Variants in OR8H2 observed in about 807,000 individuals in gnomAD.
OR8H2 encodes olfactory receptor family 8 subfamily H member 2.
For missense variants in OR8H2, 374 were observed against 371.1 expected (o/e 1.01, Z -0.06); for synonymous variants, 157 against 139.2 (o/e 1.13, Z -0.90).
In OR8H2 at chr11:56,106,917, C is replaced by T. The variant is rs1280268911; in HGVS notation, c.*936C>T. 1 of 151,832 alleles carries T rather than the reference C, an allele frequency of 6.6e-6. No individual in the cohort carries two copies. The highest frequency in any genetic ancestry group is 1.5e-5 in the Non-Finnish European group (1 of 67,804). The allele number at this position is 151,832 out of a possible 1,614,324, so 9.4% of individuals were successfully genotyped here. ...CTTTTCTTTACTTCTCTAATAAACC[C>T]ATTTTCAGTTTTAGAAAAACAAATA... On this transcript the variant is annotated 3_prime_UTR_variant, in exon 2 of 2. Coordinates refer to ENST00000313503, the MANE Select transcript of OR8H2 (RefSeq NM_001386064.1).
intron 1 of OR8H2, among the ~76,000 whole-genome samples, chr11:56,104,248 A>C (rs61887141): frequency 0.06 from 9,099 of 152,150 alleles, 373 homozygotes; most frequent in Non-Finnish European, 0.084. Context: ...TATTTTATAA[A>C]TTAATGCTTA....
chr11:56,104,914 C>G lies in OR8H2; in HGVS notation c.-129C>G. 1 of 793,010 alleles carries G rather than the reference C, an allele frequency of 1.3e-6. No individual in the cohort carries two copies. The highest frequency in any genetic ancestry group is 2.1e-6 in the Non-Finnish European group (1 of 485,830). 49.1% of individuals were successfully genotyped at this position (793,010 alleles called of 1,614,324 possible). A position where few individuals can be genotyped will look rare whatever the true frequency, so the allele number is the denominator to read the frequency against. ...AGGGCTGGAATGCAATGGTGCGATC[C>G]CGGCTCACTGCAACCTCCGCCTCCC... On this transcript the variant is annotated 5_prime_UTR_variant, in exon 2 of 2. Transcript: ENST00000313503.
chr11:56,104,868 T>C lies in OR8H2; in HGVS notation c.-171-4T>C. ...TTTTGTTTGTTTTTTGTTTTTTGAG[T>C]CAGAGTCTGGCACAGTCGCCAGGGC... On this transcript the variant is annotated splice_region_variant and splice_polypyrimidine_tract_variant and intron_variant, in intron 1 of 1. Transcript: ENST00000313503. 4.2e-6 allele frequency: 2 copies of C among 477,282 alleles called. No individual in the cohort carries two copies. The highest frequency in any genetic ancestry group is 7.3e-6 in the Non-Finnish European group (2 of 275,004). 29.6% of individuals were successfully genotyped at this position (477,282 alleles called of 1,614,324 possible). A position where few individuals can be genotyped will look rare whatever the true frequency, so the allele number is the denominator to read the frequency against.
rs760326744 is a variant in OR8H2, at chr11:56,105,469, G to T, written c.427G>T (p.Ala143Ser). 5.0e-6 allele frequency: 8 copies of T among 1,614,062 alleles called. No homozygotes were observed. The highest frequency in any genetic ancestry group is 2.2e-5 in the East Asian group (1 of 44,858). The change falls in exon 2 of 2, where the codon GCT becomes TCT. Residue 143 changes from alanine (A) to serine (S), a missense_variant. By Grantham distance (99) the Ala-to-Ser change is moderately conservative. Coordinates refer to ENST00000313503, the MANE Select transcript of OR8H2 (RefSeq NM_001386064.1). ...TVIMSKRLCL[A>S]LITGPYVIGF... ...TATTATGTCCAAAAGGCTCTGCCTC[G>T]CTCTCATCACTGGGCCTTATGTGAT...
At position 56,105,148 on chromosome 11, in the gene OR8H2, T is replaced by C. The variant is rs371340886; in HGVS notation, c.106T>C (p.Tyr36His). 1.9e-6 allele frequency: 3 copies of C among 1,614,084 alleles called. No individual in the cohort carries two copies. Among genetic ancestry groups the C allele is most frequent in the African/African-American group, 1.3e-5 (1 of 74,928 alleles). ...MALFMLFLLI[Y>H]LITMLGNVGM... ...TCTGTTTATGCTATTTCTCCTGATATACCTAATTACTATGCTGGGGAATGT... is the reference window on the plus strand; with the variant it reads ...TCTGTTTATGCTATTTCTCCTGATACACCTAATTACTATGCTGGGGAATGT... Residue 36 changes from tyrosine (Y) to histidine (H), a missense_variant, in exon 2 of 2, where the codon TAC (tyrosine) becomes CAC (histidine). Coordinates refer to ENST00000313503, the MANE Select transcript of OR8H2 (RefSeq NM_001386064.1).
At position 56,104,920 on chromosome 11, in the gene OR8H2, C is replaced by A. The variant is rs1401276136; in HGVS notation, c.-123C>A. ...GGAATGCAATGGTGCGATCCCGGCTCACTGCAACCTCCGCCTCCCGCGTTC... is the reference window on the plus strand; with the variant it reads ...GGAATGCAATGGTGCGATCCCGGCTAACTGCAACCTCCGCCTCCCGCGTTC... On this transcript the variant is annotated 5_prime_UTR_variant, in exon 2 of 2. An upstream open reading frame in the 5' UTR gains an earlier in-frame stop. Coordinates refer to ENST00000313503, the MANE Select transcript of OR8H2 (RefSeq NM_001386064.1). 3.6e-6 allele frequency: 3 copies of A among 830,334 alleles called. No individual in the cohort carries two copies. Among genetic ancestry groups the A allele is most frequent in the African/African-American group, 3.4e-5 (2 of 58,492 alleles). 51.4% of individuals were successfully genotyped at this position (830,334 alleles called of 1,614,324 possible).
chr11:56,106,559 G>A lies in OR8H2; in HGVS notation c.*578G>A, dbSNP rs1381585546. On this transcript the variant is annotated 3_prime_UTR_variant, in exon 2 of 2. Transcript: ENST00000313503. ...CTCCAAATCTGATCAGAGGGTAGTT[G>A]TAGAGTATTTAAAGCAATAATAATT... 6.6e-6 allele frequency: 1 copy of A among 152,074 alleles called. No individual in the cohort carries two copies. Among genetic ancestry groups the A allele is most frequent in the Admixed American group, 6.6e-5 (1 of 15,256 alleles). The allele number at this position is 152,074 out of a possible 1,614,324, so 9.4% of individuals were successfully genotyped here.
Position 56,105,978 on chromosome 11 carries a change from G to T in OR8H2, c.936G>T (p.Arg312Ser), listed in dbSNP as rs373631782. The change falls in exon 2 of 2, where the codon AGG becomes AGT. Residue 312 changes from arginine (R) to serine (S), a missense_variant. Arg to Ser is a moderately radical substitution (Grantham distance 110, BLOSUM62 -1). Transcript: ENST00000313503. ...TCATGCAGAGAAGACAGGACTCCAGGTAATTAATATAGCAGGAATGCTGAA... is the reference window on the plus strand; with the variant it reads ...TCATGCAGAGAAGACAGGACTCCAGTTAATTAATATAGCAGGAATGCTGAA... ...IRVMQRRQDS[R>S] The T allele has an allele frequency of 6.5e-7, 1 of 1,526,724 alleles. No individual in the cohort carries two copies. Among genetic ancestry groups the T allele is most frequent in the South Asian group, 1.2e-5 (1 of 80,720 alleles). 94.6% of individuals were successfully genotyped at this position (1,526,724 alleles called of 1,614,324 possible). A position where few individuals can be genotyped will look rare whatever the true frequency, so the allele number is the denominator to read the frequency against.
Position 56,105,314 on chromosome 11 carries a change from A to G in OR8H2, c.272A>G (p.Tyr91Cys), listed in dbSNP as rs369440693. ...KTLANLLTSN[Y>C]ISFTGCFAQM... is the part of the protein sequence containing the mutation. ...TTAGCGAACTTACTGACTTCCAACT[A>G]TATTTCCTTTACGGGCTGCTTTGCC... Residue 91 changes from tyrosine (Y) to cysteine (C), a missense_variant, in exon 2 of 2, where the codon TAT becomes TGT. By Grantham distance (194) the Tyr-to-Cys change is radical (BLOSUM62 -2). Coordinates refer to ENST00000313503, the MANE Select transcript of OR8H2 (RefSeq NM_001386064.1). 8 of 1,613,968 alleles carry G rather than the reference A, an allele frequency of 5.0e-6. No individual in the cohort carries two copies. The highest frequency in any genetic ancestry group is 1.7e-5 in the Admixed American group (1 of 59,992).
rs1590740893 is a variant in OR8H2, at chr11:56,107,093, T to C, written c.*1112T>C. 1.3e-5 allele frequency: 2 copies of C among 152,082 alleles called. No homozygotes were observed. The allele number at this position is 152,082 out of a possible 1,614,324, so 9.4% of individuals were successfully genotyped here. The stretch of plus-strand genomic sequence containing the variant: ...TTAATGTTGTCATCGACAACTCTAA[T>C]ATAAATTTTTTCTTGGTACATGGAC... On this transcript the variant is annotated 3_prime_UTR_variant, in exon 2 of 2. Transcript: ENST00000313503.
At position 56,104,845 on chromosome 11, in the gene OR8H2, T is replaced by G. The variant is rs538599746; in HGVS notation, c.-171-27T>G. The G allele has an allele frequency of 1.6e-3, 681 of 428,770 alleles. 7 individuals are homozygous for G. The highest frequency in any genetic ancestry group is 2.3e-3 in the Non-Finnish European group (569 of 244,808). 26.6% of individuals were successfully genotyped at this position (428,770 alleles called of 1,614,324 possible). ...ATTCATATAAACAGAAAGTTTTTTT[T>G]TGTTTGTTTTTTGTTTTTTGAGTCA... is the stretch of plus-strand genomic sequence containing the variant. On this transcript the variant is annotated intron_variant, in intron 1 of 1. Coordinates refer to ENST00000313503, the MANE Select transcript of OR8H2 (RefSeq NM_001386064.1).
At chr11:56,104,424 A>T (rs1414472548) in intron 1 of OR8H2, among the ~76,000 whole-genome samples, 2 of 152,088 alleles carry the variant, frequency 1.3e-5, no homozygotes, top group African/African-American at 4.8e-5. Context: ...AGTTTTCTGA[A>T]ATTATTTATA....
In OR8H2 at chr11:56,106,072, T is replaced by G; in HGVS notation, c.*91T>G. On this transcript the variant is annotated 3_prime_UTR_variant, in exon 2 of 2. Transcript: ENST00000313503. ...TAGTCTCTCTATAAAAACAATTGAA[T>G]CTTTTAATTTGTTTGCATTTCTGTT... 1 of 858,760 alleles carries G rather than the reference T, an allele frequency of 1.2e-6. No homozygotes were observed. Among genetic ancestry groups the G allele is most frequent in the Non-Finnish European group, 1.8e-6 (1 of 551,190 alleles). 53.2% of individuals were successfully genotyped at this position (858,760 alleles called of 1,614,324 possible).
chr11:56,105,234 T>A lies in OR8H2; in HGVS notation c.192T>A (p.Leu64=), dbSNP rs553797333. ...TTCACACTCCCATGTATTTTTTCCT[T>A]ACTCACCTGTCATTTATTGACCTCA... is the stretch of plus-strand genomic sequence containing the variant. ...LQLHTPMYFF[L]THLSFIDLSY... The change falls in exon 2 of 2, where the codon CTT becomes CTA. Residue 64 remains leucine, a synonymous_variant. Transcript: ENST00000313503. 1 of 1,614,202 alleles carries A rather than the reference T, an allele frequency of 6.2e-7. No individual in the cohort carries two copies. Among genetic ancestry groups the A allele is most frequent in the East Asian group, 2.2e-5 (1 of 44,880 alleles).
Position 56,105,014 on chromosome 11 carries a change from G to T in OR8H2, c.-29G>T. The T allele has an allele frequency of 6.4e-7, 1 of 1,566,800 alleles. No homozygotes were observed. Among genetic ancestry groups the T allele is most frequent in the South Asian group, 1.2e-5 (1 of 83,984 alleles). On this transcript the variant is annotated 5_prime_UTR_variant, in exon 2 of 2. An upstream open reading frame in the 5' UTR loses its in-frame stop. Coordinates refer to ENST00000313503, the MANE Select transcript of OR8H2 (RefSeq NM_001386064.1). ...GGCGCCCCTGCTACGTATCAGCTTT[G>T]ATTTCTCAGCAGTTTAGAGCAGGTG...
At position 56,106,056 on chromosome 11, in the gene OR8H2, T is replaced by TA. The variant is rs1854052225; in HGVS notation, c.*76dup. 2 of 938,792 alleles carry TA rather than the reference T, an allele frequency of 2.1e-6. No homozygotes were observed. Among genetic ancestry groups the TA allele is most frequent in the Non-Finnish European group, 3.2e-6 (2 of 619,628 alleles). 58.2% of individuals were successfully genotyped at this position (938,792 alleles called of 1,614,324 possible). A position where few individuals can be genotyped will look rare whatever the true frequency, so the allele number is the denominator to read the frequency against. The stretch of plus-strand genomic sequence containing the variant: ...CTGTTGGGTATTTTCTTAGTCTCTC[T>TA]ATAAAAACAATTGAATCTTTTAATT... On this transcript the variant is annotated 3_prime_UTR_variant, in exon 2 of 2. Transcript: ENST00000313503.
At chr11:56,104,848 T>TG (rs1565046651) in intron 1 of OR8H2, 24 bp from the exon 2 acceptor site, 5 of 371,708 alleles carry the variant, frequency 1.3e-5, no homozygotes, top group Non-Finnish European at 1.4e-5. Flanking sequence ...TTTTTTTTTG[T>TG]TTGTTTTTTG....
chr11:56,104,836 A>ATTTTTTTTTTTTTTTTTTTTT (rs1565046605), intron 1 of OR8H2, 36 bp from the exon 2 acceptor site: 1 of 437,132 alleles, frequency 2.3e-6, no homozygotes. Flanking sequence ...ATAAACAGAA[A>ATTTTTTTTTTTTTTTTTTTTT]GTTTTTTTTT....
At position 56,104,916 on chromosome 11, in the gene OR8H2, G is replaced by C. The variant is rs754973708; in HGVS notation, c.-127G>C. On this transcript the variant is annotated 5_prime_UTR_variant, in exon 2 of 2. Coordinates refer to ENST00000313503, the MANE Select transcript of OR8H2 (RefSeq NM_001386064.1). ...GGCTGGAATGCAATGGTGCGATCCC[G>C]GCTCACTGCAACCTCCGCCTCCCGC... 5.0e-6 allele frequency: 4 copies of C among 803,220 alleles called. No individual in the cohort carries two copies. The highest frequency in any genetic ancestry group is 8.1e-6 in the Non-Finnish European group (4 of 493,878). 49.8% of individuals were successfully genotyped at this position (803,220 alleles called of 1,614,324 possible).
Sources: allele counts gnomAD v4.1 joint callset (sites outside exome capture counted in the v4.1 genomes callset), GRCh38; gene constraint gnomAD v4.1.1; transcripts MANE v1.5; gene names NCBI Gene and HGNC (gene_info 2026-07-23, HGNC 2026-07-21).